The following HSPA4L variants were observed in gnomAD, a reference collection of about 807,000 sequenced individuals.
HSPA4L encodes heat shock 70 kDa protein 4L.
A neutral mutation model predicts 100.3 loss-of-function variants in HSPA4L; 48 were observed. That is an observed-to-expected ratio of 0.48 (90% CI 0.38 to 0.61). The LOEUF is 0.61. Among genes scored for constraint, HSPA4L ranks in the 20% least tolerant of loss-of-function variants. The pLI is 0.00. For missense variants in HSPA4L, 886 were observed against 988.6 expected (o/e 0.90, Z 1.39); for synonymous variants, 319 against 328.2 (o/e 0.97, Z 0.30).
intron 6 of HSPA4L, among the ~76,000 whole-genome samples, chr4:127,802,534 G>A (rs1184033930): frequency 6.6e-6 from 1 of 152,148 alleles, no homozygotes; most frequent in Non-Finnish European, 1.5e-5. Context: ...GACTCAGACT[G>A]AATATAGGGT....
upstream of HSPA4L, chr4:127,782,161 C>T: frequency 2.3e-6 from 1 of 436,950 alleles, no homozygotes; most frequent in South Asian, 1.7e-5. Flanking sequence ...TTTCTCGAAC[C>T]CGCAGCTTCT....
chr4:127,789,511 G>T (rs1274093101), intron 1 of HSPA4L, among the ~76,000 whole-genome samples: 3 of 152,086 alleles, frequency 2.0e-5, no homozygotes, highest in African/African-American at 7.2e-5. Context: ...AGCCGGGCAT[G>T]GTGGCGGGTG....
At chr4:127,793,265 T>C (rs377333050) in intron 1 of HSPA4L, among the ~76,000 whole-genome samples, 19 of 152,358 alleles carry the variant, frequency 1.2e-4, no homozygotes, top group Middle Eastern at 3.4e-3. Context: ...AAGTCACCTC[T>C]CTTATCTAGA....
At position 127,803,963 on chromosome 4, in the gene HSPA4L, C is replaced by G. The variant is rs371440723; in HGVS notation, c.909-48C>G. On this transcript the variant is annotated intron_variant, in intron 7 of 18. Coordinates refer to ENST00000296464, the MANE Select transcript of HSPA4L (RefSeq NM_014278.4). ...TTTGTTTGTTGTTTTAGAAGATACG[C>G]TCAACTTTTAATCCCAGAATAATGA... is the stretch of plus-strand genomic sequence containing the variant. 10 of 1,608,008 alleles carry G rather than the reference C, an allele frequency of 6.2e-6. 1 individual carries two copies. The highest frequency in any genetic ancestry group is 8.5e-6 in the Non-Finnish European group (10 of 1,174,860).
In HSPA4L at chr4:127,811,435, A is replaced by G; in HGVS notation, c.1379-2A>G. 2 of 1,611,772 alleles carry G rather than the reference A, an allele frequency of 1.2e-6. No individual in the cohort carries two copies. Among genetic ancestry groups the G allele is most frequent in the Non-Finnish European group, 1.7e-6 (2 of 1,178,678 alleles). ...ACTGATTGGAGTTCTTTTTTCCTTA[A>G]GGGAGCTTCACTATTCAGAATGTTT... is the stretch of plus-strand genomic sequence containing the variant. On this transcript the variant is annotated splice_acceptor_variant, in intron 11 of 18. Coordinates refer to ENST00000296464, the MANE Select transcript of HSPA4L (RefSeq NM_014278.4). LOFTEE classifies it high-confidence loss of function.
At position 127,833,442 on chromosome 4, in the gene HSPA4L, T is replaced by C. The variant is rs1734136472; in HGVS notation, c.*568T>C. 1 of 152,328 alleles carries C rather than the reference T, an allele frequency of 6.6e-6. No homozygotes were observed. Among genetic ancestry groups the C allele is most frequent in the African/African-American group, 2.4e-5 (1 of 41,456 alleles). The allele number at this position is 152,328 out of a possible 1,614,324, so 9.4% of individuals were successfully genotyped here. On this transcript the variant is annotated 3_prime_UTR_variant, in exon 19 of 19. Coordinates refer to ENST00000296464, the MANE Select transcript of HSPA4L (RefSeq NM_014278.4). ...GCTGTCATCACATAAATGAATTAAATCACATGTGAAAGGGAACACACCCAA... is the reference window on the plus strand; with the variant it reads ...GCTGTCATCACATAAATGAATTAAACCACATGTGAAAGGGAACACACCCAA...
At chr4:127,789,660 A>G (rs966380215) in intron 1 of HSPA4L, among the ~76,000 whole-genome samples, 2 of 149,278 alleles carry the variant, frequency 1.3e-5, no homozygotes, top group Admixed American at 6.7e-5. Flanking sequence ...AAAAAAAAAG[A>G]AAACCCTCCC....
intron 11 of HSPA4L, 72 bp from the exon 12 acceptor site, chr4:127,811,365 G>A (rs963058613): frequency 1.2e-5 from 14 of 1,154,246 alleles, no homozygotes; most frequent in South Asian, 1.1e-4. Flanking sequence ...AAAGATGATA[G>A]CCAAATTATT....
intron 1 of HSPA4L, among the ~76,000 whole-genome samples, chr4:127,793,630 C>A (rs1732936285): frequency 6.6e-6 from 1 of 152,176 alleles, no homozygotes; most frequent in Non-Finnish European, 1.5e-5. Context: ...TCTCTTAATT[C>A]TCACATAACC....
At position 127,794,130 on chromosome 4, in the gene HSPA4L, G is replaced by A. The variant is rs1009738980; in HGVS notation, c.161G>A (p.Ser54Asn). 1 of 1,609,978 alleles carries A rather than the reference G, an allele frequency of 6.2e-7. No individual in the cohort carries two copies. The highest frequency in any genetic ancestry group is 1.7e-5 in the Admixed American group (1 of 59,846). ...RTRAIGNAAK[S>N]QIVTNVRNTI... Reference sequence around the variant, plus strand: ...CGAGCCATTGGAAATGCAGCAAAGAGCCAGGTAAATTGTTAATGTGGATGT... The same window carrying A: ...CGAGCCATTGGAAATGCAGCAAAGAACCAGGTAAATTGTTAATGTGGATGT... The change falls in exon 2 of 19, where the codon AGC becomes AAC. Residue 54 changes from serine (S) to asparagine (N), a missense_variant. Coordinates refer to ENST00000296464, the MANE Select transcript of HSPA4L (RefSeq NM_014278.4).
At chr4:127,799,569 C>T (rs1052400916) in intron 4 of HSPA4L, among the ~76,000 whole-genome samples, 1 of 152,104 alleles carries the variant, frequency 6.6e-6, no homozygotes, top group Non-Finnish European at 1.5e-5. Context: ...ATTCCCAAGC[C>T]CATGCTCATA....
At position 127,839,907 on chromosome 4, in the gene HSPA4L, T is replaced by C. The variant is rs941662772; in HGVS notation, c.*7033T>C. On this transcript the variant is annotated 3_prime_UTR_variant, in exon 19 of 19. Transcript: ENST00000296464. The stretch of plus-strand genomic sequence containing the variant: ...TTAATGAGGTTACTGAATTGTTTAG[T>C]ATTCCTAATATGGCATCCAGGTCAT... 1.3e-5 allele frequency: 2 copies of C among 152,158 alleles called. No homozygotes were observed. Among genetic ancestry groups the C allele is most frequent in the African/African-American group, 4.8e-5 (2 of 41,434 alleles). 9.4% of individuals were successfully genotyped at this position (152,158 alleles called of 1,614,324 possible). A position where few individuals can be genotyped will look rare whatever the true frequency, so the allele number is the denominator to read the frequency against.
chr4:127,824,498 A>T (rs1042235319), intron 16 of HSPA4L, among the ~76,000 whole-genome samples: 1 of 152,232 alleles, frequency 6.6e-6, no homozygotes, highest in Non-Finnish European at 1.5e-5. Flanking sequence ...CAGATATTGT[A>T]TAGTCATAAT....
At chr4:127,817,587 A>G (rs529374604) in intron 12 of HSPA4L, among the ~76,000 whole-genome samples, 45 of 152,258 alleles carry the variant, frequency 3.0e-4, no homozygotes, top group Non-Finnish European at 5.1e-4. Context: ...TTATTGGTAG[A>G]AAGTTTGGTT....
intron 3 of HSPA4L, among the ~76,000 whole-genome samples, chr4:127,796,144 A>G (rs953201670): frequency 6.6e-6 from 1 of 152,124 alleles, no homozygotes; most frequent in African/African-American, 2.4e-5. Context: ...ACTCAAGAGA[A>G]TAGTTTTTAG....
intron 6 of HSPA4L, among the ~76,000 whole-genome samples, chr4:127,802,168 A>G (rs994384603): frequency 6.6e-6 from 1 of 152,150 alleles, no homozygotes; most frequent in Non-Finnish European, 1.5e-5. Flanking sequence ...CTGCTATAAT[A>G]TATATTAGCT....
At chr4:127,827,245 T>C in intron 16 of HSPA4L, 60 bp from the exon 17 acceptor site, 3 of 1,449,186 alleles carry the variant, frequency 2.1e-6, no homozygotes, top group East Asian at 2.3e-5. Context: ...AAGGGCCCTA[T>C]AAAAGTTTTC....
At chr4:127,803,112 G>T (rs3775982) in intron 6 of HSPA4L, among the ~76,000 whole-genome samples, 6 of 151,894 alleles carry the variant, frequency 4.0e-5, no homozygotes, top group Admixed American at 6.5e-5. Context: ...TTGGTTTTTT[G>T]GTTGTGTTTT....
At chr4:127,824,984 C>CA (rs1180236722) in intron 16 of HSPA4L, among the ~76,000 whole-genome samples, 1 of 151,800 alleles carries the variant, frequency 6.6e-6, no homozygotes, top group Non-Finnish European at 1.5e-5. Context: ...AAAAAAAATA[C>CA]AAAAAATTAG....
Sources: gnomAD v4.1 joint callset for allele counts (sites outside exome capture counted in the v4.1 genomes callset) on GRCh38, gnomAD v4.1.1 for gene constraint, MANE v1.5 for transcripts, NCBI Gene and HGNC (gene_info 2026-07-23, HGNC 2026-07-21) for gene names.